The following GNAS-AS1 variants were observed in gnomAD, a reference collection of about 807,000 sequenced individuals.
GNAS-AS1 encodes the protein GNAS antisense RNA 1 (non-protein coding).
At chr20:58,822,819 G>A (rs2085495260) in intron 4 of GNAS-AS1, among the ~76,000 whole-genome samples, 1 of 152,064 alleles carries the variant, frequency 6.6e-6, no homozygotes, top group Non-Finnish European at 1.5e-5. Flanking sequence ...AGGGTGCTGA[G>A]GTTAGCGCTC....
At chr20:58,846,936 C>G (rs1297191869) in intron 2 of GNAS-AS1, among the ~76,000 whole-genome samples, 1 of 152,204 alleles carries the variant, frequency 6.6e-6, no homozygotes, top group Non-Finnish European at 1.5e-5. Context: ...CTCCAACCCC[C>G]ACTTTTGCCT....
In GNAS-AS1 at chr20:58,847,460, T is replaced by C. The variant is rs73129548; in HGVS notation, n.413+1419A>G. Among the ~76,000 whole-genome samples, 1,066 of 152,350 alleles carry C rather than the reference T, an allele frequency of 7.0e-3. 6 individuals carry two copies. Among genetic ancestry groups the C allele is most frequent in the Non-Finnish European group, 0.012 (831 of 68,038 alleles). On this transcript the variant is annotated intron_variant and non_coding_transcript_variant, in intron 2 of 4. Transcript: ENST00000424094. ...CAAGTCTTGATTGAAAAGTAATTAA[T>C]TGTACAGCTTCAAAGTCTATTACTA...
At chr20:58,831,312 C>T (rs1281395089) in intron 4 of GNAS-AS1, among the ~76,000 whole-genome samples, 1 of 151,724 alleles carries the variant, frequency 6.6e-6, no homozygotes, top group Non-Finnish European at 1.5e-5. Context: ...CATCGGGTTG[C>T]CAGCTGTTTT....
chr20:58,832,513 C>A (rs1056847183), intron 4 of GNAS-AS1, among the ~76,000 whole-genome samples: 2 of 152,160 alleles, frequency 1.3e-5, no homozygotes, highest in African/African-American at 4.8e-5. Context: ...TGCTGAGATA[C>A]TGTGCAGTGA....
chr20:58,839,311 C>T (rs2085643514), intron 4 of GNAS-AS1: 1 of 398,548 alleles, frequency 2.5e-6, no homozygotes, highest in African/African-American at 2.1e-5. Flanking sequence ...TTACCATCCT[C>T]AAACTATTAA....
intron 4 of GNAS-AS1, among the ~76,000 whole-genome samples, chr20:58,830,454 AT>A (rs2145456622): frequency 8.2e-6 from 1 of 122,190 alleles, no homozygotes; most frequent in Non-Finnish European, 1.7e-5. Context: ...CACCACCACC[AT>A]CACCACCACC....
chr20:58,850,218 T>C (rs1176713988), intron 1 of GNAS-AS1, among the ~76,000 whole-genome samples: 2 of 152,062 alleles, frequency 1.3e-5, no homozygotes, highest in African/African-American at 2.4e-5. Flanking sequence ...ACTTTCAAGG[T>C]CCCCCCAGGT....
chr20:58,840,287 C>T lies in GNAS-AS1; in HGVS notation n.819+1650G>A. The T allele has an allele frequency of 6.2e-7, 1 of 1,612,446 alleles. No homozygotes were observed. The highest frequency in any genetic ancestry group is 8.5e-7 in the Non-Finnish European group (1 of 1,179,958). On this transcript the variant is annotated intron_variant and non_coding_transcript_variant, in intron 4 of 4. Transcript: ENST00000424094. This position sits in a 1 kb window ranked among gnomAD's most constrained non-coding sequence, Gnocchi z 6.0. ...CCAGCAGCGCGCGGCTGCCCAACAG[C>T]GCCGGAGCTTCCTTAACGCCCACCA...
Position 58,841,620 on chromosome 20 carries a change from G to C in GNAS-AS1, n.819+317C>G, listed in dbSNP as rs985971505. ...AAAGAGCGTGCGCACCTGCCCGCGC[G>C]CGCCGGAGCTGACCTCTCCCGGCGG... is the stretch of plus-strand genomic sequence containing the variant. On this transcript the variant is annotated intron_variant and non_coding_transcript_variant, in intron 4 of 4. Coordinates refer to ENST00000424094, the Ensembl canonical transcript of GNAS-AS1. The surrounding 1 kb of genome is among the most constrained non-coding windows in gnomAD (Gnocchi z 5.0). 2 of 1,057,746 alleles carry C rather than the reference G, an allele frequency of 1.9e-6. No homozygotes were observed. The allele number at this position is 1,057,746 out of a possible 1,614,324, so 65.5% of individuals were successfully genotyped here.
At chr20:58,842,468 G>C (rs1439853251) in exon 3 of GNAS-AS1, 1 of 398,514 alleles carries the variant, frequency 2.5e-6, no homozygotes, top group East Asian at 3.6e-5. Flanking sequence ...TATTCCGTAG[G>C]AAAGGCGTCG....
chr20:58,840,468 C>CCGAGACCGACTT lies in GNAS-AS1; in HGVS notation n.819+1457_819+1468dup. On this transcript the variant is annotated intron_variant and non_coding_transcript_variant, in intron 4 of 4. Coordinates refer to ENST00000424094, the Ensembl canonical transcript of GNAS-AS1. The surrounding 1 kb of genome is among the most constrained non-coding windows in gnomAD (Gnocchi z 6.0). ...AGCGAGACCGAGTCCGAAATCGAGT[C>CCGAGACCGACTT]CGAGACCGACTTCGAGACCGAGCCT... 1.2e-6 allele frequency: 2 copies of CCGAGACCGACTT among 1,613,452 alleles called. No individual in the cohort carries two copies. The highest frequency in any genetic ancestry group is 1.7e-6 in the Non-Finnish European group (2 of 1,179,816).
intron 4 of GNAS-AS1, among the ~76,000 whole-genome samples, chr20:58,823,485 C>A (rs1034577803): frequency 6.6e-6 from 1 of 152,310 alleles, no homozygotes; most frequent in Non-Finnish European, 1.5e-5. Context: ...GACGGGCGCA[C>A]GTGCCTGGAG....
At chr20:58,843,209 CTCCTCCCCCGCTCAA>C (rs2085809713) in intron 2 of GNAS-AS1, 1 of 126,926 alleles carries the variant, frequency 7.9e-6, no homozygotes, top group African/African-American at 3.1e-5. Flanking sequence ...CCGCTCAATT[CTCCTCCCCCGCTCAA>C]TTCCCCTCCC....
intron 4 of GNAS-AS1, among the ~76,000 whole-genome samples, chr20:58,828,424 G>C (rs907207620): frequency 6.6e-6 from 1 of 152,246 alleles, no homozygotes; most frequent in Non-Finnish European, 1.5e-5. Flanking sequence ...TTCACGGGAA[G>C]ATTCTCTGCT....
chr20:58,839,930 T>G, intron 4 of GNAS-AS1: 1 of 638,970 alleles, frequency 1.6e-6, no homozygotes, highest in Non-Finnish European at 2.7e-6. Flanking sequence ...AGTTCTTAAG[T>G]GGTCAGGAAG....
chr20:58,833,047 G>C (rs1394336827), intron 4 of GNAS-AS1, among the ~76,000 whole-genome samples: 1 of 152,242 alleles, frequency 6.6e-6, no homozygotes, highest in East Asian at 1.9e-4. Context: ...AGGTGCCCAG[G>C]CACTCAGGAG....
chr20:58,830,401 T>TGCCACACCACCATCACCACCACC lies in GNAS-AS1; in HGVS notation n.820-11169_820-11147dup, dbSNP rs1568900243. On this transcript the variant is annotated intron_variant and non_coding_transcript_variant, in intron 4 of 4. Coordinates refer to ENST00000424094, the Ensembl canonical transcript of GNAS-AS1. ...TCACCACAATCACCACCACCATCAC[T>TGCCACACCACCATCACCACCACC]GCCACACCACCATCACCACCACCGC... Among the ~76,000 whole-genome samples the TGCCACACCACCATCACCACCACC allele has an allele frequency of 6.3e-4, 8 of 12,776 alleles. No homozygotes were observed. The East Asian group carries it at 0.023, about 36-fold the overall frequency. The allele number at this position is 12,776 out of a possible 152,430, so 8.4% of individuals were successfully genotyped here. A position where few individuals can be genotyped will look rare whatever the true frequency, so the allele number is the denominator to read the frequency against.
chr20:58,850,702 C>T, exon 1 of GNAS-AS1: 1 of 398,938 alleles, frequency 2.5e-6, no homozygotes. Context: ...GGTTAGCCTG[C>T]CGCCATCAAC....
chr20:58,822,510 C>T (rs2085493328), intron 4 of GNAS-AS1, among the ~76,000 whole-genome samples: 1 of 152,182 alleles, frequency 6.6e-6, no homozygotes, highest in Non-Finnish European at 1.5e-5. Context: ...GTAAAATCTG[C>T]GGACACCTAA....
Sources: allele counts gnomAD v4.1 joint callset (sites outside exome capture counted in the v4.1 genomes callset), GRCh38; gene constraint gnomAD v4.1.1; non-coding constraint Gnocchi (gnomAD v3.1); transcripts MANE v1.5; gene names NCBI Gene and HGNC (gene_info 2026-07-23, HGNC 2026-07-21).